The following NOX4 variants were observed in gnomAD, a reference collection of about 807,000 sequenced individuals.
NOX4 encodes NADPH oxidase 4, also known as kidney oxidase-1.
Under a neutral mutation model 87.6 loss-of-function variants are expected in NOX4, and 69 were observed. The observed-to-expected ratio is 0.79, with a 90% CI of 0.65 to 0.96. The LOEUF is 0.96. NOX4 is among the 40% of genes least tolerant of loss of function. NOX4 has a pLI of 0.00. For missense variants in NOX4, 680 were observed against 681.5 expected (o/e 1.00, Z 0.02); for synonymous variants, 275 against 238.2 (o/e 1.15, Z -1.42).
At chr11:89,457,803 C>G (rs1038460233) in intron 2 of NOX4, among the ~76,000 whole-genome samples, 10 of 152,162 alleles carry the variant, frequency 6.6e-5, no homozygotes, top group African/African-American at 2.4e-4. Context: ...TAATCCCATT[C>G]ACAATATCCA....
At chr11:89,475,785 T>C (rs1021428950) in intron 2 of NOX4, among the ~76,000 whole-genome samples, 4 of 151,976 alleles carry the variant, frequency 2.6e-5, no homozygotes, top group Admixed American at 1.3e-4. Context: ...GGAAGAAATA[T>C]TGAGGCACTG....
the NOX4 span, among the ~76,000 whole-genome samples, chr11:89,559,505 A>G: frequency 6.6e-6 from 1 of 152,102 alleles, no homozygotes; most frequent in African/African-American, 2.4e-5. Flanking sequence ...ATTTCAAACT[A>G]CCAAGGTGAG....
At chr11:89,380,424 C>A (rs557646414) in intron 11 of NOX4, among the ~76,000 whole-genome samples, 1 of 152,090 alleles carries the variant, frequency 6.6e-6, no homozygotes, top group East Asian at 1.9e-4. Flanking sequence ...GTGCTTAAAT[C>A]AACAATCAAA....
chr11:89,525,210 A>G, the NOX4 span, among the ~76,000 whole-genome samples: 14 of 152,132 alleles, frequency 9.2e-5, no homozygotes, highest in East Asian at 1.4e-3. Flanking sequence ...TCTTTTCTTT[A>G]AATTCCTAGG....
the NOX4 span, among the ~76,000 whole-genome samples, chr11:89,541,021 G>A: frequency 6.6e-6 from 1 of 151,872 alleles, no homozygotes; most frequent in Admixed American, 6.6e-5. Flanking sequence ...TTACCAAGGT[G>A]TTTTATAGTT....
intron 13 of NOX4, among the ~76,000 whole-genome samples, chr11:89,351,800 A>C (rs1946466931): frequency 6.6e-6 from 1 of 152,196 alleles, no homozygotes; most frequent in Non-Finnish European, 1.5e-5. Flanking sequence ...GTTACTACTC[A>C]CATAGGCAGT....
intron 12 of NOX4, among the ~76,000 whole-genome samples, chr11:89,368,047 T>A (rs1939143007): frequency 6.6e-6 from 1 of 151,988 alleles, no homozygotes; most frequent in Non-Finnish European, 1.5e-5. Context: ...ATATCCTAAA[T>A]CTCTCCAGCA....
At chr11:89,395,221 T>A (rs1941391826) in intron 11 of NOX4, among the ~76,000 whole-genome samples, 1 of 152,212 alleles carries the variant, frequency 6.6e-6, no homozygotes, top group Non-Finnish European at 1.5e-5. Flanking sequence ...GGTATCTCAT[T>A]GTGGTTTTGA....
chr11:89,355,773 A>G (rs76665512), intron 12 of NOX4, among the ~76,000 whole-genome samples: 11,333 of 152,136 alleles, frequency 0.074, 643 homozygotes, highest in South Asian at 0.17. Context: ...TTACTTTTGC[A>G]AAGTCTGTGG....
rs201859016 is a variant in NOX4, at chr11:89,405,624, C to CAA, written c.630-3084_630-3083dup. On this transcript the variant is annotated intron_variant, in intron 8 of 17. Coordinates refer to ENST00000263317, the MANE Select transcript of NOX4 (RefSeq NM_016931.5). The stretch of plus-strand genomic sequence containing the variant: ...GACAGACAATGATAAAATCATTCAT[C>CAA]AAAAAAAAAAAAACTCAAGTATGAC... Among the ~76,000 whole-genome samples the CAA allele has an allele frequency of 2.3e-3, 319 of 135,834 alleles. 1 individual carries two copies. The highest frequency in any genetic ancestry group is 6.8e-3 in the African/African-American group (250 of 36,882). The allele number at this position is 135,834 out of a possible 152,430, so 89.1% of individuals were successfully genotyped here. A position where few individuals can be genotyped will look rare whatever the true frequency, so the allele number is the denominator to read the frequency against.
chr11:89,435,053 T>A (rs894980179), intron 6 of NOX4, among the ~76,000 whole-genome samples: 3 of 152,160 alleles, frequency 2.0e-5, no homozygotes, highest in Non-Finnish European at 4.4e-5. Context: ...GGTTCCACTA[T>A]TGTGTATGTA....
chr11:89,483,255 A>T (rs1290321031), intron 2 of NOX4, among the ~76,000 whole-genome samples: 1 of 152,086 alleles, frequency 6.6e-6, no homozygotes, highest in Non-Finnish European at 1.5e-5. Context: ...AAAATGGCTG[A>T]TTTTTGACTG....
chr11:89,560,800 A>T, the NOX4 span, among the ~76,000 whole-genome samples: 3 of 151,220 alleles, frequency 2.0e-5, no homozygotes, highest in African/African-American at 7.3e-5. Flanking sequence ...CAACTCCCTG[A>T]GTTCTCAGGC....
At chr11:89,358,161 G>A (rs1361389039) in intron 12 of NOX4, among the ~76,000 whole-genome samples, 10 of 151,968 alleles carry the variant, frequency 6.6e-5, no homozygotes, top group African/African-American at 2.4e-4. Flanking sequence ...GAGGCATGTG[G>A]ATCACCTGAG....
intron 2 of NOX4, among the ~76,000 whole-genome samples, chr11:89,481,670 TTAGCATGA>T (rs1946395699): frequency 6.6e-6 from 1 of 152,138 alleles, no homozygotes; most frequent in Non-Finnish European, 1.5e-5. Flanking sequence ...AACACAATGC[TTAGCATGA>T]TAGACATGAA....
chr11:89,550,720 A>G, the NOX4 span, among the ~76,000 whole-genome samples: 1 of 151,932 alleles, frequency 6.6e-6, no homozygotes, highest in East Asian at 1.9e-4. Context: ...AGATTGCAAA[A>G]TTTTTCTCCC....
chr11:89,488,389 T>C (rs968204847), intron 2 of NOX4, among the ~76,000 whole-genome samples: 2 of 151,922 alleles, frequency 1.3e-5, no homozygotes, highest in Admixed American at 6.6e-5. Flanking sequence ...AGTAGAGAGG[T>C]GAAACATAGT....
chr11:89,459,936 C>G (rs954198396), intron 2 of NOX4, among the ~76,000 whole-genome samples: 2 of 152,178 alleles, frequency 1.3e-5, no homozygotes, highest in Admixed American at 6.5e-5. Context: ...GTAACCAAAA[C>G]AGCACGGTAC....
intron 12 of NOX4, among the ~76,000 whole-genome samples, chr11:89,370,302 T>C (rs1169756474): frequency 6.6e-6 from 1 of 151,884 alleles, no homozygotes; most frequent in Non-Finnish European, 1.5e-5. Flanking sequence ...GAATATTTAC[T>C]CACAATTATT....
Sources: allele counts gnomAD v4.1 joint callset (sites outside exome capture counted in the v4.1 genomes callset), GRCh38; gene constraint gnomAD v4.1.1; transcripts MANE v1.5; gene names NCBI Gene and HGNC (gene_info 2026-07-23, HGNC 2026-07-21).